The following PRSS23 variants were observed in gnomAD, a reference collection of about 807,000 sequenced individuals.
PRSS23 encodes the protein protease, serine 23.
A neutral mutation model predicts 34.7 loss-of-function variants in PRSS23; 25 were observed. The observed-to-expected ratio is 0.72, with a 90% CI of 0.53 to 1.01. The LOEUF (loss-of-function observed/expected upper bound fraction) is 1.01. Ranked by LOEUF, PRSS23 falls within the 50% of genes least tolerant of loss-of-function variation. PRSS23 has a pLI of 0.00. For synonymous variants in PRSS23, 176 were observed against 186.6 expected, an observed-to-expected ratio of 0.94 and a Z score of 0.46; for missense variants, 445 against 475.6, an observed-to-expected ratio of 0.94 and a Z score of 0.60.
Position 86,867,788 on chromosome 11 carries a change from G to T in PRSS23, c.206+44195G>T, listed in dbSNP as rs1948659578. ...GCTACTTGGGAGGTTGAAGAAGGAGGGTCGCTTGAGCCCAGGAGGCTAAGG... is the reference window on the plus strand; with the variant it reads ...GCTACTTGGGAGGTTGAAGAAGGAGTGTCGCTTGAGCCCAGGAGGCTAAGG... On this transcript the variant is annotated intron_variant, in intron 2 of 2. Coordinates refer to the PRSS23 transcript ENST00000533902. 2.0e-5 allele frequency among the ~76,000 whole-genome samples: 3 copies of T among 150,590 alleles called. No individual in the cohort carries two copies. The Admixed American group carries it at 2.0e-4, about 10-fold the overall frequency.
At chr11:86,803,795 C>T (rs1369464537) in intron 1 of PRSS23, among the ~76,000 whole-genome samples, 1 of 152,152 alleles carries the variant, frequency 6.6e-6, no homozygotes, top group Non-Finnish European at 1.5e-5. Flanking sequence ...GTTTTCCCTC[C>T]CAGCACTTGT....
Position 86,807,949 on chromosome 11 carries a change from C to T in PRSS23, c.306C>T (p.Gly102=), listed in dbSNP as rs772334903. The T allele has an allele frequency of 1.2e-6, 2 of 1,614,010 alleles. No homozygotes were observed. Among genetic ancestry groups the T allele is most frequent in the African/African-American group, 2.7e-5 (2 of 74,886 alleles). The change falls in exon 2 of 2, where the codon GGC becomes GGT. Residue 102 remains glycine, a synonymous_variant. Coordinates refer to ENST00000280258, the MANE Select transcript of PRSS23 (RefSeq NM_007173.6). ...ANGSRTETQV[G]IYILSSSGDG... is the part of the protein sequence containing the mutation. ...GCAGCCGCACAGAGACGCAGGTGGG[C>T]ATCTACATCCTCAGCAGTAGTGGAG...
chr11:86,873,197 TAC>T (rs111989090), intron 2 of PRSS23, among the ~76,000 whole-genome samples: 23,123 of 133,876 alleles, frequency 0.17, 2,686 homozygotes, highest in African/African-American at 0.34. Context: ...TACATATATA[TAC>T]ACACACACAC....
At chr11:86,815,363 A>G (rs1189986820), downstream of PRSS23, among the ~76,000 whole-genome samples, 1 of 152,200 alleles carries the variant, frequency 6.6e-6, no homozygotes, top group African/African-American at 2.4e-5. Flanking sequence ...TTTCATGAGG[A>G]CAGAGGTTTT....
chr11:86,810,274 C>T lies in PRSS23; in HGVS notation c.*1479C>T, dbSNP rs562685550. On this transcript the variant is annotated 3_prime_UTR_variant, in exon 2 of 2. Transcript: ENST00000280258. ...GCACGTGTTTGCTGTGCTTGCACCC[C>T]AGGTAAACCTGCATTGTAGCAATTT... 4.2e-5 allele frequency: 7 copies of T among 166,772 alleles called. No individual in the cohort carries two copies. In the East Asian group the frequency reaches 1.2e-3, roughly 28 times the overall value. 10.3% of individuals were successfully genotyped at this position (166,772 alleles called of 1,614,324 possible).
At chr11:86,829,799 A>T (rs971279803) in intron 2 of PRSS23, among the ~76,000 whole-genome samples, 2 of 152,190 alleles carry the variant, frequency 1.3e-5, no homozygotes, top group South Asian at 2.1e-4. Flanking sequence ...GCTGCAGAAC[A>T]GGGGATTTTC....
intron 2 of PRSS23, among the ~76,000 whole-genome samples, chr11:86,835,033 A>G (rs906246540): frequency 2.0e-5 from 3 of 152,200 alleles, no homozygotes; most frequent in Non-Finnish European, 2.9e-5. Context: ...GGTTTGAGCA[A>G]TTACTTGTTG....
chr11:86,833,697 C>T (rs530655203), intron 2 of PRSS23, among the ~76,000 whole-genome samples: 69 of 152,174 alleles, frequency 4.5e-4, no homozygotes, highest in African/African-American at 1.1e-3. Flanking sequence ...TCTTATTGGT[C>T]GGGCGTGAGC....
intron 2 of PRSS23, among the ~76,000 whole-genome samples, chr11:86,831,688 G>C (rs978729972): frequency 6.6e-6 from 1 of 151,168 alleles, no homozygotes; most frequent in African/African-American, 2.4e-5. Flanking sequence ...GTCACAGGGG[G>C]TGTACACACT....
Position 86,832,779 on chromosome 11 carries a change from G to A in PRSS23, c.206+9186G>A, listed in dbSNP as rs564014171. ...TTCCCACCTGATGATGAAACACTCA[G>A]CATGGAGGAAACAATTTTATAGTAA... On this transcript the variant is annotated intron_variant, in intron 2 of 2. Transcript: ENST00000533902. 4.4e-4 allele frequency: 131 copies of A among 296,196 alleles called. 3 individuals carry two copies. Among genetic ancestry groups the A allele is most frequent in the South Asian group, 4.3e-3 (129 of 29,956 alleles). The allele number at this position is 296,196 out of a possible 1,614,324, so 18.3% of individuals were successfully genotyped here.
intron 2 of PRSS23, among the ~76,000 whole-genome samples, chr11:86,849,243 A>G (rs1948511583): frequency 6.6e-6 from 1 of 152,198 alleles, no homozygotes; most frequent in Non-Finnish European, 1.5e-5. Flanking sequence ...GAATCTTAGG[A>G]CACCCTGTAA....
intron 2 of PRSS23, among the ~76,000 whole-genome samples, chr11:86,915,894 A>G (rs1439059359): frequency 2.0e-5 from 3 of 152,014 alleles, no homozygotes; most frequent in African/African-American, 7.2e-5. Flanking sequence ...CTACTAAAAA[A>G]ATACAAAAAA....
Position 86,810,008 on chromosome 11 carries a change from G to A in PRSS23, c.*1213G>A, listed in dbSNP as rs1948159662. ...TAGCTTTAAAAGGGCCGCTTTTGCT[G>A]GAATGCTCTAGGTTATAGATAAACA... On this transcript the variant is annotated 3_prime_UTR_variant, in exon 2 of 2. Coordinates refer to ENST00000280258, the MANE Select transcript of PRSS23 (RefSeq NM_007173.6). The A allele has an allele frequency of 1.2e-5, 2 of 166,916 alleles. No homozygotes were observed. Among genetic ancestry groups the A allele is most frequent in the African/African-American group, 2.4e-5 (1 of 41,432 alleles). The allele number at this position is 166,916 out of a possible 1,614,324, so 10.3% of individuals were successfully genotyped here.
At position 86,897,079 on chromosome 11, in the gene PRSS23, T is replaced by G. The variant is rs75877587; in HGVS notation, c.207-54137T>G. On this transcript the variant is annotated intron_variant, in intron 2 of 2. Coordinates refer to the PRSS23 transcript ENST00000533902. Reference sequence around the variant, plus strand: ...AATGGCTAATAAATATTGGTTCATTTGGAAAGGCAATGCAATGTTTAAAAA... The same window carrying G: ...AATGGCTAATAAATATTGGTTCATTGGGAAAGGCAATGCAATGTTTAAAAA... Among the ~76,000 whole-genome samples, 1,269 of 152,342 alleles carry G rather than the reference T, an allele frequency of 8.3e-3. 18 individuals carry two copies. The highest frequency in any genetic ancestry group is 0.03 in the African/African-American group (1,232 of 41,578).
intron 2 of PRSS23, among the ~76,000 whole-genome samples, chr11:86,896,944 T>C (rs1358248207): frequency 6.6e-6 from 1 of 152,226 alleles, no homozygotes; most frequent in Non-Finnish European, 1.5e-5. Flanking sequence ...ATCTTTAACT[T>C]CAGCCCATCA....
At chr11:86,878,725 T>C (rs1948743777) in intron 2 of PRSS23, among the ~76,000 whole-genome samples, 1 of 140,566 alleles carries the variant, frequency 7.1e-6, no homozygotes, top group Non-Finnish European at 1.5e-5. Context: ...TGGCCGCCCA[T>C]CGTCTGGGAC....
chr11:86,881,413 A>G (rs1948771422), intron 2 of PRSS23, among the ~76,000 whole-genome samples: 2 of 151,818 alleles, frequency 1.3e-5, no homozygotes, highest in African/African-American at 4.8e-5. Context: ...TAATTTGCAT[A>G]TATTGAAACA....
chr11:86,935,477 A>AT (rs1040580260), intron 2 of PRSS23: 8 of 152,042 alleles, frequency 5.3e-5, no homozygotes, highest in African/African-American at 1.9e-4. Context: ...CGTGTATGGC[A>AT]TTTTTTTGTC....
At chr11:86,880,854 A>G (rs750464037) in intron 2 of PRSS23, among the ~76,000 whole-genome samples, 13 of 152,208 alleles carry the variant, frequency 8.5e-5, no homozygotes, top group African/African-American at 1.2e-4. Flanking sequence ...GCAGAGTATT[A>G]TATGGAAAAA....
Sources: allele counts gnomAD v4.1 joint callset (sites outside exome capture counted in the v4.1 genomes callset), GRCh38; gene constraint gnomAD v4.1.1; transcripts MANE v1.5; gene names NCBI Gene and HGNC (gene_info 2026-07-23, HGNC 2026-07-21).